SERPINE2: variants seen among roughly 807,000 people sequenced by gnomAD.
SERPINE2 encodes glia-derived nexin.
SERPINE2 carries 14 observed loss-of-function variants against 36.3 expected under a neutral mutation model. The ratio of observed to expected loss-of-function variants is 0.39; its 90% CI spans 0.25 to 0.60. The LOEUF is 0.60. SERPINE2 is among the 20% of genes least tolerant of loss of function. The pLI is 0.57. For synonymous variants in SERPINE2, 192 were observed against 191.8 expected, an observed-to-expected ratio of 1.00 and a Z score of -0.01; for missense variants, 418 against 499.6, an observed-to-expected ratio of 0.84 and a Z score of 1.56.
At chr2:224,034,312 T>C (rs1427175847) in intron 1 of SERPINE2, among the ~76,000 whole-genome samples, 1 of 151,920 alleles carries the variant, frequency 6.6e-6, no homozygotes, top group African/African-American at 2.4e-5. Context: ...GCCTGAGTCT[T>C]GAAAAAGGAG....
At chr2:224,031,780 T>A (rs945148011) in intron 1 of SERPINE2, among the ~76,000 whole-genome samples, 1 of 105,872 alleles carries the variant, frequency 9.4e-6, no homozygotes, top group African/African-American at 3.8e-5. Context: ...CGGCTGGAAC[T>A]GGCTGAAAAG....
Position 224,001,849 on chromosome 2 carries a change from T to C in SERPINE2, c.52A>G (p.Ile18Val), listed in dbSNP as rs778968466. Residue 18 changes from isoleucine (I) to valine (V), a missense_variant, in exon 2 of 9, where the codon ATC becomes GTC. Physicochemically the swap from Ile to Val is conservative, Grantham distance 29. Transcript: ENST00000409304. ...FLLASVTLPSICSHFNPLSLE... is the reference protein window; with the variant it reads ...FLLASVTLPSVCSHFNPLSLE... ...GACAGAGGATTGAAGTGGGAGCAGA[T>C]GGAAGGCAGCGTCACAGAGGCCAAG... 1.9e-5 allele frequency: 30 copies of C among 1,613,904 alleles called. No homozygotes were observed. In the Admixed American group the frequency reaches 2.5e-4, roughly 13 times the overall value.
chr2:224,005,820 T>C (rs1038310991), intron 1 of SERPINE2, among the ~76,000 whole-genome samples: 5 of 152,320 alleles, frequency 3.3e-5, no homozygotes, highest in Non-Finnish European at 7.3e-5. Flanking sequence ...TGCTTGAATA[T>C]TGTTTCACAA....
intron 1 of SERPINE2, among the ~76,000 whole-genome samples, chr2:224,003,103 T>C (rs1474644287): frequency 6.6e-6 from 1 of 151,868 alleles, no homozygotes; most frequent in Non-Finnish European, 1.5e-5. Context: ...GGCAGGAACA[T>C]CGTGATGAGA....
At chr2:224,019,767 A>ATTT (rs1559216887) in intron 1 of SERPINE2, among the ~76,000 whole-genome samples, 1 of 25,658 alleles carries the variant, frequency 3.9e-5, no homozygotes, top group Non-Finnish European at 6.6e-5. Context: ...TTTTTTTTTA[A>ATTT]AAAAAAAAAA....
chr2:224,031,397 G>T, intron 1 of SERPINE2: 1 of 985,530 alleles, frequency 1.0e-6, no homozygotes. Context: ...AGATTCCGTT[G>T]GGGGGAAAAC....
chr2:224,025,167 C>T (rs113439680), intron 1 of SERPINE2, among the ~76,000 whole-genome samples: 2 of 152,288 alleles, frequency 1.3e-5, no homozygotes, highest in East Asian at 1.9e-4. Context: ...GGGGTACCCA[C>T]CACAAGACTG....
chr2:223,980,772 T>C (rs945899406), intron 6 of SERPINE2: 1 of 201,250 alleles, frequency 5.0e-6, no homozygotes, highest in Admixed American at 5.5e-5. Flanking sequence ...AGAATGCAGA[T>C]GCAGAAGGGA....
chr2:224,024,185 G>A (rs756914756), intron 1 of SERPINE2, among the ~76,000 whole-genome samples: 1 of 152,200 alleles, frequency 6.6e-6, no homozygotes, highest in Non-Finnish European at 1.5e-5. Flanking sequence ...CTTTAAGAAA[G>A]GTTCCTGTGC....
intron 2 of SERPINE2, among the ~76,000 whole-genome samples, chr2:224,001,367 G>T (rs931830090): frequency 3.9e-5 from 6 of 152,170 alleles, no homozygotes; most frequent in Non-Finnish European, 8.8e-5. Flanking sequence ...TGTCCCCCTC[G>T]CTGGAACGAG....
chr2:224,032,072 C>T (rs1692398058), intron 1 of SERPINE2, among the ~76,000 whole-genome samples: 1 of 152,176 alleles, frequency 6.6e-6, no homozygotes, highest in East Asian at 1.9e-4. Context: ...AAAGATAATG[C>T]AGTAGTTAAT....
chr2:223,989,587 T>C (rs956143630), intron 4 of SERPINE2, among the ~76,000 whole-genome samples: 9 of 152,214 alleles, frequency 5.9e-5, no homozygotes, highest in African/African-American at 2.2e-4. Flanking sequence ...CTTATCATGA[T>C]AAGCTGGGTT....
Position 223,975,599 on chromosome 2 carries a change from G to T in SERPINE2, c.*268C>A, listed in dbSNP as rs1396932797. On this transcript the variant is annotated 3_prime_UTR_variant, in exon 9 of 9. Coordinates refer to ENST00000409304, the MANE Select transcript of SERPINE2 (RefSeq NM_001136528.2). Reference sequence around the variant, plus strand: ...AATACTCAACAGGGTTGTTAACCTAGGTAACAGTTCAGTAGTTTAAAGAAT... The same window carrying T: ...AATACTCAACAGGGTTGTTAACCTATGTAACAGTTCAGTAGTTTAAAGAAT... 2 of 336,990 alleles carry T rather than the reference G, an allele frequency of 5.9e-6. No homozygotes were observed. Among genetic ancestry groups the T allele is most frequent in the African/African-American group, 2.1e-5 (1 of 47,466 alleles). The allele number at this position is 336,990 out of a possible 1,614,324, so 20.9% of individuals were successfully genotyped here.
At chr2:224,028,159 G>A (rs1692246288) in intron 1 of SERPINE2, among the ~76,000 whole-genome samples, 2 of 152,314 alleles carry the variant, frequency 1.3e-5, no homozygotes, top group Admixed American at 1.3e-4. Flanking sequence ...TTGGCATCTG[G>A]AGAGGTAACA....
At chr2:223,978,883 A>C (rs1690116241) in intron 7 of SERPINE2, 1 of 152,154 alleles carries the variant, frequency 6.6e-6, no homozygotes, top group Non-Finnish European at 1.5e-5. Context: ...GAGGTAATGA[A>C]GGTTAAGTAG....
At chr2:224,030,020 C>T in intron 1 of SERPINE2, 1 of 981,718 alleles carries the variant, frequency 1.0e-6, no homozygotes, top group Non-Finnish European at 1.2e-6. Flanking sequence ...GACATTTATT[C>T]GTTATTCACA....
chr2:223,998,591 T>C (rs1476366397), intron 2 of SERPINE2, among the ~76,000 whole-genome samples: 2 of 151,946 alleles, frequency 1.3e-5, no homozygotes, highest in South Asian at 2.1e-4. Flanking sequence ...GTGGCACGCC[T>C]GTGATACCAA....
At chr2:224,005,096 T>TATATATATAA (rs1251441985) in intron 1 of SERPINE2, among the ~76,000 whole-genome samples, 6 of 132,020 alleles carry the variant, frequency 4.5e-5, no homozygotes, top group African/African-American at 1.8e-4. Context: ...TATATATATA[T>TATATATATAA]AAAACATTGT....
intron 1 of SERPINE2, among the ~76,000 whole-genome samples, chr2:224,015,870 A>G (rs977319881): frequency 1.3e-5 from 2 of 152,248 alleles, no homozygotes; most frequent in African/African-American, 4.8e-5. Flanking sequence ...AGGAGAAAAT[A>G]TTCTCCAATC....
Sources: gnomAD v4.1 joint callset for allele counts (sites outside exome capture counted in the v4.1 genomes callset) on GRCh38, gnomAD v4.1.1 for gene constraint, MANE v1.5 for transcripts, NCBI Gene and HGNC (gene_info 2026-07-23, HGNC 2026-07-21) for gene names.